The following TUBAL3 variants were observed in gnomAD, a reference collection of about 807,000 sequenced individuals.
TUBAL3 encodes the protein tubulin alpha chain-like 3.
A neutral mutation model predicts 15.5 loss-of-function variants in TUBAL3; 16 were observed. The observed-to-expected ratio is 1.04, with a 90% CI of 0.70 to 1.57. The LOEUF (loss-of-function observed/expected upper bound fraction) is 1.57. Among genes scored for constraint, TUBAL3 ranks in the 40% most tolerant of loss-of-function variants. The pLI, the probability that TUBAL3 is intolerant of heterozygous loss-of-function variation, is 0.00. For missense variants in TUBAL3, 609 were observed against 576.2 expected, an observed-to-expected ratio of 1.06 and a Z score of -0.58; for synonymous variants, 238 against 224.3, an observed-to-expected ratio of 1.06 and a Z score of -0.55.
At chr10:5,402,089 A>G (rs1158589505) in intron 1 of TUBAL3, among the ~76,000 whole-genome samples, 1 of 152,212 alleles carries the variant, frequency 6.6e-6, no homozygotes, top group Admixed American at 6.5e-5. Flanking sequence ...ATATGTTCAA[A>G]AATAGGCATA....
Position 5,397,085 on chromosome 10 carries a change from A to G in TUBAL3, c.248-1610T>C, listed in dbSNP as rs1831776502. 6.6e-6 allele frequency among the ~76,000 whole-genome samples: 1 copy of G among 152,168 alleles called. No homozygotes were observed. Among genetic ancestry groups the G allele is most frequent in the Non-Finnish European group, 1.5e-5 (1 of 68,030 alleles). Reference sequence around the variant, plus strand: ...ACAATGATAGAACTGGCTTCATGACATGCATTTATGCAGATTTACCTCATT... The same window carrying G: ...ACAATGATAGAACTGGCTTCATGACGTGCATTTATGCAGATTTACCTCATT... On this transcript the variant is annotated intron_variant, in intron 2 of 3. Transcript: ENST00000380419. The surrounding 1 kb of genome is among the most constrained non-coding windows in gnomAD (Gnocchi z 4.9).
chr10:5,394,503 TC>T lies in TUBAL3; in HGVS notation c.397-43del. ...AGATGTGAGAATTCAGCTGAATAAA[TC>T]CAGAAGCAGTGAATTGGACAGTAGT... On this transcript the variant is annotated intron_variant, in intron 3 of 3. Transcript: ENST00000380419. This position sits in a 1 kb window ranked among gnomAD's most constrained non-coding sequence, Gnocchi z 4.3. 6.5e-7 allele frequency: 1 copy of T among 1,534,192 alleles called. No homozygotes were observed. The highest frequency in any genetic ancestry group is 8.8e-7 in the Non-Finnish European group (1 of 1,140,534).
In TUBAL3 at chr10:5,395,117, A is replaced by G. The variant is rs1831743156; in HGVS notation, c.396+210T>C. On this transcript the variant is annotated intron_variant, in intron 3 of 3. Transcript: ENST00000380419. This position sits in a 1 kb window ranked among gnomAD's most constrained non-coding sequence, Gnocchi z 4.6. ...TGATCAGGTGATCAGGGGACCCCCC[A>G]GTAAGTATAAAAGTTTCTGTCTCCT... Among the ~76,000 whole-genome samples, 1 of 152,216 alleles carries G rather than the reference A, an allele frequency of 6.6e-6. No individual in the cohort carries two copies. Among genetic ancestry groups the G allele is most frequent in the Admixed American group, 6.5e-5 (1 of 15,278 alleles).
At position 5,395,520 on chromosome 10, in the gene TUBAL3, T is replaced by C. The variant is rs372813547; in HGVS notation, c.248-45A>G. 30 of 1,378,428 alleles carry C rather than the reference T, an allele frequency of 2.2e-5. No individual in the cohort carries two copies. The African/African-American group carries it at 4.1e-4, about 19-fold the overall frequency. 85.4% of individuals were successfully genotyped at this position (1,378,428 alleles called of 1,614,324 possible). On this transcript the variant is annotated intron_variant, in intron 2 of 3. Coordinates refer to ENST00000380419, the MANE Select transcript of TUBAL3 (RefSeq NM_024803.3). The surrounding 1 kb of genome is among the most constrained non-coding windows in gnomAD (Gnocchi z 4.6). ...GTCAGTGCAACTCACCCAGTGCAAT[T>C]CAGCCGTCCACCTGCTGCTAGTCCT... is the stretch of plus-strand genomic sequence containing the variant.
At chr10:5,399,006 T>G (rs1831808194) in intron 2 of TUBAL3, among the ~76,000 whole-genome samples, 1 of 152,214 alleles carries the variant, frequency 6.6e-6, no homozygotes. Flanking sequence ...TTTTTTCTTA[T>G]TCACTAGATT....
chr10:5,394,608 T>C lies in TUBAL3; in HGVS notation c.397-147A>G, dbSNP rs1002238342. ...GCCTTTGTTAACTCCACAACAAACA[T>C]AGCTACTTTGAAATACTCTCAAGGG... On this transcript the variant is annotated intron_variant, in intron 3 of 3. Transcript: ENST00000380419. This position sits in a 1 kb window ranked among gnomAD's most constrained non-coding sequence, Gnocchi z 4.3. 8.6e-6 allele frequency: 6 copies of C among 695,630 alleles called. No homozygotes were observed. The South Asian group carries it at 1.0e-4, about 12-fold the overall frequency. 43.1% of individuals were successfully genotyped at this position (695,630 alleles called of 1,614,324 possible).
intron 2 of TUBAL3, 71 bp downstream of exon 2, chr10:5,400,773 C>A: frequency 6.3e-7 from 1 of 1,584,028 alleles, no homozygotes; most frequent in Non-Finnish European, 8.6e-7. Flanking sequence ...GTATAATCTG[C>A]TAATCCCATC....
At position 5,394,331 on chromosome 10, in the gene TUBAL3, A is replaced by T. The variant is rs1383083045; in HGVS notation, c.527T>A (p.Phe176Tyr). The change falls in exon 4 of 4, where the codon TTC becomes TAC. Residue 176 changes from phenylalanine (F) to tyrosine (Y), a missense_variant. Transcript: ENST00000380419. This position sits in a 1 kb window ranked among gnomAD's most constrained non-coding sequence, Gnocchi z 4.3. The part of the protein sequence containing the change: ...GEYSRKTKLE[F>Y]SVYPAPRIST... ...GATCCTGGGGGCTGGGTAGACCGAG[A>T]ACTCCAGCTTAGTCTTTCTGCTATA... 2 of 1,614,038 alleles carry T rather than the reference A, an allele frequency of 1.2e-6. No individual in the cohort carries two copies. Among genetic ancestry groups the T allele is most frequent in the Non-Finnish European group, 1.7e-6 (2 of 1,180,030 alleles).
intron 1 of TUBAL3, among the ~76,000 whole-genome samples, chr10:5,402,575 G>A (rs1554814739): frequency 1.3e-5 from 2 of 152,270 alleles, no homozygotes. Flanking sequence ...CCTCACCTGT[G>A]GTCTACACAG....
rs782163027 is a variant in TUBAL3 at position 5,394,328 on chromosome 10, G to C, written c.530C>G (p.Ser177Trp). ...GGAGATCCTGGGGGCTGGGTAGACCGAGAACTCCAGCTTAGTCTTTCTGCT... is the reference window on the plus strand; with the variant it reads ...GGAGATCCTGGGGGCTGGGTAGACCCAGAACTCCAGCTTAGTCTTTCTGCT... ...EYSRKTKLEFSVYPAPRISTA... is the reference protein window; with the variant it reads ...EYSRKTKLEFWVYPAPRISTA... Residue 177 changes from serine to tryptophan, a missense_variant, in exon 4 of 4, where the codon TCG (serine) becomes TGG (tryptophan). Transcript: ENST00000380419. This position sits in a 1 kb window ranked among gnomAD's most constrained non-coding sequence, Gnocchi z 4.3. 6.2e-7 allele frequency: 1 copy of C among 1,614,142 alleles called. No individual in the cohort carries two copies. The highest frequency in any genetic ancestry group is 8.5e-7 in the Non-Finnish European group (1 of 1,180,036).
intron 1 of TUBAL3, among the ~76,000 whole-genome samples, chr10:5,402,591 C>T (rs1448234963): frequency 6.6e-6 from 1 of 152,168 alleles, no homozygotes; most frequent in East Asian, 1.9e-4. Context: ...CACAGGGGTC[C>T]CCAACCCCCG....
rs1298747866 is a variant in TUBAL3, at chr10:5,396,465, C to T, written c.248-990G>A. On this transcript the variant is annotated intron_variant, in intron 2 of 3. Transcript: ENST00000380419. This position sits in a 1 kb window ranked among gnomAD's most constrained non-coding sequence, Gnocchi z 5.1. ...TTGCAGTGAGTGGAGATCACGCCATCGCACTCCAGCCTGGGCAACAAGAGT... is the reference window on the plus strand; with the variant it reads ...TTGCAGTGAGTGGAGATCACGCCATTGCACTCCAGCCTGGGCAACAAGAGT... Among the ~76,000 whole-genome samples, 1 of 151,812 alleles carries T rather than the reference C, an allele frequency of 6.6e-6. No individual in the cohort carries two copies. Among genetic ancestry groups the T allele is most frequent in the Non-Finnish European group, 1.5e-5 (1 of 67,920 alleles).
rs782294680 is a variant in TUBAL3 at position 5,393,573 on chromosome 10, T to C, written c.1285A>G (p.Arg429Gly). ...GMEEAEFLEA[R>G]EDLAALERDY... ...CTCTCCAGGGCTGCCAGATCTTCCCTGGCCTCCAAGAACTCTGCTTCTTCC... is the reference window on the plus strand; with the variant it reads ...CTCTCCAGGGCTGCCAGATCTTCCCCGGCCTCCAAGAACTCTGCTTCTTCC... Residue 429 changes from arginine to glycine, a missense_variant, in exon 4 of 4, where the codon AGG becomes GGG. Coordinates refer to ENST00000380419, the MANE Select transcript of TUBAL3 (RefSeq NM_024803.3). The C allele has an allele frequency of 6.2e-7, 1 of 1,614,140 alleles. No homozygotes were observed. The highest frequency in any genetic ancestry group is 8.5e-7 in the Non-Finnish European group (1 of 1,179,992).
intron 1 of TUBAL3, among the ~76,000 whole-genome samples, chr10:5,402,118 C>T (rs540548616): frequency 2.0e-4 from 30 of 152,266 alleles, no homozygotes; most frequent in African/African-American, 7.0e-4. Flanking sequence ...AAAGAAAATG[C>T]ATCAAGATAT....
rs376619728 is a variant in TUBAL3, at chr10:5,395,509, C to A, written c.248-34G>T. The A allele has an allele frequency of 7.1e-7, 1 of 1,415,370 alleles. No individual in the cohort carries two copies. Among genetic ancestry groups the A allele is most frequent in the Non-Finnish European group, 9.4e-7 (1 of 1,069,058 alleles). 87.7% of individuals were successfully genotyped at this position (1,415,370 alleles called of 1,614,324 possible). On this transcript the variant is annotated intron_variant, in intron 2 of 3. Transcript: ENST00000380419. The surrounding 1 kb of genome is among the most constrained non-coding windows in gnomAD (Gnocchi z 4.6). ...GGTGAAAGGAGGTCAGTGCAACTCA[C>A]CCAGTGCAATTCAGCCGTCCACCTG...
At chr10:5,398,617 A>G (rs1228536613) in intron 2 of TUBAL3, among the ~76,000 whole-genome samples, 1 of 151,914 alleles carries the variant, frequency 6.6e-6, no homozygotes, top group Non-Finnish European at 1.5e-5. Context: ...AAACAAACAA[A>G]CAAACATATT....
At chr10:5,404,203 G>A (rs74373056) in intron 1 of TUBAL3, among the ~76,000 whole-genome samples, 1 of 152,116 alleles carries the variant, frequency 6.6e-6, no homozygotes, top group Non-Finnish European at 1.5e-5. Context: ...TTCCATTGAA[G>A]AATTAAAAAT....
rs1831754937 is a variant in TUBAL3 at position 5,395,749 on chromosome 10, TA to T, written c.248-275del. On this transcript the variant is annotated intron_variant, in intron 2 of 3. Transcript: ENST00000380419. This position sits in a 1 kb window ranked among gnomAD's most constrained non-coding sequence, Gnocchi z 4.6. ...ACCAATGACAACAAACATCATGGCT[TA>T]AAACAATAGGAATTTATTTCCTAAC... Among the ~76,000 whole-genome samples, 1 of 152,208 alleles carries T rather than the reference TA, an allele frequency of 6.6e-6. No individual in the cohort carries two copies. The highest frequency in any genetic ancestry group is 2.4e-5 in the African/African-American group (1 of 41,452).
In TUBAL3 at chr10:5,395,645, G is replaced by C. The variant is rs1831753205; in HGVS notation, c.248-170C>G. On this transcript the variant is annotated intron_variant, in intron 2 of 3. Transcript: ENST00000380419. This position sits in a 1 kb window ranked among gnomAD's most constrained non-coding sequence, Gnocchi z 4.6. ...TGAATTAGCCCGTCTTAGTCCAGGAGAAGTGGAATTTTTTACATATACATG... is the reference window on the plus strand; with the variant it reads ...TGAATTAGCCCGTCTTAGTCCAGGACAAGTGGAATTTTTTACATATACATG... Among the ~76,000 whole-genome samples, 1 of 152,214 alleles carries C rather than the reference G, an allele frequency of 6.6e-6. No individual in the cohort carries two copies. The highest frequency in any genetic ancestry group is 2.1e-4 in the South Asian group (1 of 4,830).
Sources: allele counts gnomAD v4.1 joint callset (sites outside exome capture counted in the v4.1 genomes callset), GRCh38; gene constraint gnomAD v4.1.1; non-coding constraint Gnocchi (gnomAD v3.1); transcripts MANE v1.5; gene names NCBI Gene and HGNC (gene_info 2026-07-23, HGNC 2026-07-21).